DNAH12: variants seen among roughly 807,000 people sequenced by gnomAD.
DNAH12 encodes the protein dynein axonemal heavy chain 12.
DNAH12 carries 285 observed loss-of-function variants against 371.5 expected under a neutral mutation model. That is an observed-to-expected ratio of 0.77 (90% CI 0.70 to 0.85). The LOEUF is 0.85. DNAH12 is among the 40% of genes least tolerant of loss of function. DNAH12 has a pLI of 0.00. For missense variants in DNAH12, 3,611 were observed against 3,689.4 expected, an observed-to-expected ratio of 0.98 and a Z score of 0.55; for synonymous variants, 1,200 against 1,213.0, an observed-to-expected ratio of 0.99 and a Z score of 0.22.
chr3:57,314,466 A>G (rs1357742215), intron 66 of DNAH12, 28 bp downstream of exon 66: 1 of 1,550,504 alleles, frequency 6.4e-7, no homozygotes. Context: ...GTGATCCTTC[A>G]TGAATGTTAA....
At chr3:57,420,265 G>A (rs2064526403) in intron 36 of DNAH12, among the ~76,000 whole-genome samples, 2 of 152,002 alleles carry the variant, frequency 1.3e-5, no homozygotes, top group Admixed American at 1.3e-4. Context: ...CCACTGTTAA[G>A]TAAAAAAAGT....
intron 57 of DNAH12, among the ~76,000 whole-genome samples, chr3:57,365,879 A>AT: frequency 1.3e-5 from 2 of 151,334 alleles, no homozygotes; most frequent in Non-Finnish European, 2.9e-5. Flanking sequence ...ATATATATAT[A>AT]AATGTATTTC....
At chr3:57,425,197 A>G in intron 34 of DNAH12, 56 bp from the exon 35 acceptor site, 1 of 669,754 alleles carries the variant, frequency 1.5e-6, no homozygotes, top group Non-Finnish European at 2.7e-6. Context: ...AGAAAATAAG[A>G]AAAACACTTT....
At chr3:57,336,759 A>G (rs1179194434) in intron 60 of DNAH12, among the ~76,000 whole-genome samples, 8 of 152,198 alleles carry the variant, frequency 5.3e-5, no homozygotes, top group Non-Finnish European at 1.0e-4. Context: ...TCACAATAAG[A>G]AAAAAGCTGA....
rs4060726 is a variant in DNAH12 at position 57,301,848 on chromosome 3, C to T, written c.11281G>A (p.Gly3761Ser). 965,727 of 1,551,332 alleles carry T rather than the reference C, an allele frequency of 0.62. 304,603 individuals are homozygous for T. The highest frequency in any genetic ancestry group is 0.91 in the East Asian group (37,422 of 40,910). Residue 3761 changes from glycine to serine, a missense_variant, in exon 70 of 74, where the codon GGT becomes AGT. Gly to Ser is a moderately conservative substitution (Grantham distance 56). Coordinates refer to ENST00000495027, the MANE Select transcript of DNAH12 (RefSeq NM_001366028.2). ...GGAACCTTTCCAACAAGTAAGCTAC[C>T]GGAGAGTGCCTCCAATGCAGAATCC... ...VMDSALEALS[G>S]SLLVGKVPEI...
At chr3:57,388,158 C>A (rs1254707543) in intron 45 of DNAH12, among the ~76,000 whole-genome samples, 1 of 152,272 alleles carries the variant, frequency 6.6e-6, no homozygotes, top group Admixed American at 6.5e-5. Context: ...AGTCTTTGGA[C>A]GTGCTTTTCC....
chr3:57,306,972 G>C (rs2061485772), intron 69 of DNAH12, among the ~76,000 whole-genome samples: 1 of 152,054 alleles, frequency 6.6e-6, no homozygotes, highest in Admixed American at 6.6e-5. Context: ...CTTCATCCCA[G>C]CCTCTCTTCG....
chr3:57,441,665 G>A (rs1017177741), intron 29 of DNAH12, among the ~76,000 whole-genome samples: 5 of 151,920 alleles, frequency 3.3e-5, no homozygotes, highest in Non-Finnish European at 7.4e-5. Flanking sequence ...GGTGGCACGC[G>A]CCCATAATCC....
At chr3:57,386,039 A>G (rs1454826742) in intron 47 of DNAH12, among the ~76,000 whole-genome samples, 6 of 152,178 alleles carry the variant, frequency 3.9e-5, no homozygotes, top group Non-Finnish European at 8.8e-5. Context: ...CCAAACCTCT[A>G]TTACTTACGT....
At chr3:57,456,794 C>G (rs2065913750) in intron 22 of DNAH12, among the ~76,000 whole-genome samples, 1 of 152,094 alleles carries the variant, frequency 6.6e-6, no homozygotes, top group African/African-American at 2.4e-5. Flanking sequence ...ATCTGCTTCT[C>G]CTCCAGGAAT....
intron 1 of DNAH12, among the ~76,000 whole-genome samples, chr3:57,543,408 C>T (rs534884626): frequency 6.8e-6 from 1 of 146,788 alleles, no homozygotes; most frequent in African/African-American, 2.6e-5. Context: ...CTGCAACCTC[C>T]GCCTCCCAGG....
intron 40 of DNAH12, among the ~76,000 whole-genome samples, chr3:57,407,892 A>G (rs965102548): frequency 6.6e-6 from 1 of 152,156 alleles, no homozygotes; most frequent in South Asian, 2.1e-4. Flanking sequence ...AAGCATGCAA[A>G]ATGGGAGGGA....
chr3:57,537,084 C>G (rs1402082815), intron 2 of DNAH12, among the ~76,000 whole-genome samples: 3 of 151,916 alleles, frequency 2.0e-5, no homozygotes, highest in East Asian at 3.9e-4. Flanking sequence ...GTCCCAGCTA[C>G]TCAGGAGGCT....
rs111838162 is a variant in DNAH12 at position 57,542,902 on chromosome 3, C to G, written c.-32G>C. On this transcript the variant is annotated splice_region_variant and 5_prime_UTR_variant, in exon 2 of 74. Transcript: ENST00000495027. ...CCCCTAAAGATTAAAATACTCTGTA[C>G]TCTGAGGAGAAAAAGTCCATAAAGC... 2.0e-6 allele frequency: 3 copies of G among 1,513,938 alleles called. No homozygotes were observed. Among genetic ancestry groups the G allele is most frequent in the Middle Eastern group, 1.8e-4 (1 of 5,620 alleles). 93.8% of individuals were successfully genotyped at this position (1,513,938 alleles called of 1,614,324 possible).
intron 60 of DNAH12, among the ~76,000 whole-genome samples, chr3:57,336,924 T>C (rs2062237355): frequency 1.3e-5 from 2 of 152,196 alleles, no homozygotes; most frequent in Non-Finnish European, 2.9e-5. Flanking sequence ...TAACCTTGCA[T>C]GTAAACAAAT....
rs1011903718 is a variant in DNAH12 at position 57,398,734 on chromosome 3, C to T, written c.6949-4402G>A. 1.3e-4 allele frequency among the ~76,000 whole-genome samples: 20 copies of T among 152,218 alleles called. 1 individual carries two copies. The South Asian group carries it at 4.1e-3, about 32-fold the overall frequency. On this transcript the variant is annotated intron_variant, in intron 43 of 73. Transcript: ENST00000495027. The stretch of plus-strand genomic sequence containing the variant: ...TACAAAAATGAAGGTGAAATTAAAA[C>T]CTTTCCAGATGAACAAACACCGAGG...
intron 2 of DNAH12, among the ~76,000 whole-genome samples, chr3:57,538,022 G>A (rs2153402217): frequency 6.6e-6 from 1 of 152,278 alleles, no homozygotes. Flanking sequence ...CTAAAAATGA[G>A]TTTGAAATCC....
At chr3:57,525,154 C>CAAAAAAAAAAAAAAAAAAAAAAA (rs5849213) in intron 2 of DNAH12, among the ~76,000 whole-genome samples, 1 of 109,498 alleles carries the variant, frequency 9.1e-6, no homozygotes. Flanking sequence ...AGAGGAGAAA[C>CAAAAAAAAAAAAAAAAAAAAAAA]AAAAAAAAAA....
At chr3:57,312,491 G>A (rs1336558138) in intron 66 of DNAH12, among the ~76,000 whole-genome samples, 1 of 152,168 alleles carries the variant, frequency 6.6e-6, no homozygotes, top group East Asian at 1.9e-4. Flanking sequence ...TTGCCTTTTG[G>A]AGAGAGGCAG....
Sources: allele counts gnomAD v4.1 joint callset (sites outside exome capture counted in the v4.1 genomes callset), GRCh38; gene constraint gnomAD v4.1.1; transcripts MANE v1.5; gene names NCBI Gene and HGNC (gene_info 2026-07-23, HGNC 2026-07-21).